Variants in SRPK1 observed in about 807,000 individuals in gnomAD.
SRPK1 encodes the protein SRSF protein kinase 1, also known as SFRS protein kinase 1.
SRPK1 carries 52 observed loss-of-function variants against 89.5 expected under a neutral mutation model. The ratio of observed to expected loss-of-function variants is 0.58; its 90% CI spans 0.46 to 0.73. SRPK1 has a LOEUF of 0.73. Ranked by LOEUF, SRPK1 falls within the 30% of genes least tolerant of loss-of-function variation. SRPK1 has a pLI of 0.00. For synonymous variants in SRPK1, 255 were observed against 270.2 expected, an observed-to-expected ratio of 0.94 and a Z score of 0.55; for missense variants, 603 against 780.6, an observed-to-expected ratio of 0.77 and a Z score of 2.71.
At chr6:35,909,914 C>T (rs1770925254) in intron 2 of SRPK1, among the ~76,000 whole-genome samples, 1 of 152,196 alleles carries the variant, frequency 6.6e-6, no homozygotes, top group South Asian at 2.1e-4. Context: ...AACCTCTTTC[C>T]TTTATAATTA....
chr6:35,838,641 A>T, intron 14 of SRPK1: 1 of 1,551,596 alleles, frequency 6.4e-7, no homozygotes, highest in Non-Finnish European at 8.7e-7. Flanking sequence ...GTGATAACTA[A>T]AAACAATCTT....
At chr6:35,900,437 C>T (rs760494941) in intron 2 of SRPK1, among the ~76,000 whole-genome samples, 2 of 152,156 alleles carry the variant, frequency 1.3e-5, no homozygotes, top group African/African-American at 2.4e-5. Context: ...GTACTTTTTT[C>T]TAGGCACTGG....
intron 2 of SRPK1, among the ~76,000 whole-genome samples, chr6:35,899,561 T>G (rs1770699128): frequency 6.6e-6 from 1 of 152,196 alleles, no homozygotes; most frequent in Non-Finnish European, 1.5e-5. Context: ...CGTATTTAGT[T>G]ATTATTCATT....
Position 35,920,510 on chromosome 6 carries a change from C to T in SRPK1, c.32G>A (p.Arg11Gln). 6.2e-7 allele frequency: 1 copy of T among 1,613,338 alleles called. No individual in the cohort carries two copies. The highest frequency in any genetic ancestry group is 8.5e-7 in the Non-Finnish European group (1 of 1,179,496). The change falls in exon 2 of 16, where the codon CGA becomes CAA. Residue 11 changes from arginine (R) to glutamine (Q), a missense_variant. Transcript: ENST00000373825. MERKVLALQARKKRTKAKKDK... is the reference protein window; with the variant it reads MERKVLALQAQKKRTKAKKDK... Reference sequence around the variant, plus strand: ...CTTCTTGGCCTTGGTCCTTTTCTTTCGGGCCTGGAGCGCAAGCACTGCAGG... The same window carrying T: ...CTTCTTGGCCTTGGTCCTTTTCTTTTGGGCCTGGAGCGCAAGCACTGCAGG...
At chr6:35,920,776 C>T (rs1771219671) in intron 1 of SRPK1, 1 of 369,020 alleles carries the variant, frequency 2.7e-6, no homozygotes, top group Non-Finnish European at 4.8e-6. Flanking sequence ...GCGTCGCCCG[C>T]CAAGGGCCGG....
At chr6:35,844,877 A>C (rs900371525) in intron 13 of SRPK1, among the ~76,000 whole-genome samples, 1 of 152,270 alleles carries the variant, frequency 6.6e-6, no homozygotes, top group South Asian at 2.1e-4. Flanking sequence ...GTTAAAAAAA[A>C]CAAAAAACAA....
intron 2 of SRPK1, among the ~76,000 whole-genome samples, chr6:35,907,845 G>A (rs1770883924): frequency 6.6e-6 from 1 of 152,216 alleles, no homozygotes; most frequent in South Asian, 2.1e-4. Context: ...CACATCAGCA[G>A]AGGGATGAGG....
chr6:35,873,990 GCTAA>G (rs1447426288), intron 7 of SRPK1, among the ~76,000 whole-genome samples: 1 of 151,384 alleles, frequency 6.6e-6, no homozygotes, highest in African/African-American at 2.4e-5. Flanking sequence ...AAGACACCCG[GCTAA>G]CTTTTTGTAT....
intron 6 of SRPK1, among the ~76,000 whole-genome samples, chr6:35,884,566 G>A (rs1195608914): frequency 6.6e-6 from 1 of 152,166 alleles, no homozygotes; most frequent in Non-Finnish European, 1.5e-5. Context: ...TCTAACAGTA[G>A]TAAATAATGC....
intron 2 of SRPK1, among the ~76,000 whole-genome samples, chr6:35,906,168 A>G (rs998514172): frequency 6.6e-6 from 1 of 152,198 alleles, no homozygotes; most frequent in African/African-American, 2.4e-5. Flanking sequence ...AAAAACTCCA[A>G]TTAGCCAACA....
chr6:35,882,816 T>G (rs529132525), intron 6 of SRPK1, among the ~76,000 whole-genome samples: 3 of 151,858 alleles, frequency 2.0e-5, no homozygotes, highest in Non-Finnish European at 4.4e-5. Flanking sequence ...AGAAAAAAAA[T>G]TTCCCCACCC....
intron 14 of SRPK1, among the ~76,000 whole-genome samples, chr6:35,839,685 T>TTA (rs1769261710): frequency 8.1e-6 from 1 of 123,612 alleles, no homozygotes; most frequent in Non-Finnish European, 1.7e-5. Flanking sequence ...AATATAAAAC[T>TTA]TTTTTTTTTT....
In SRPK1 at chr6:35,862,073, T is replaced by TAACAAC. The variant is rs201751746; in HGVS notation, c.1513-4711_1513-4706dup. On this transcript the variant is annotated intron_variant, in intron 12 of 15. Coordinates refer to ENST00000373825, the MANE Select transcript of SRPK1 (RefSeq NM_003137.5). Reference sequence around the variant, plus strand: ...CTAGCCCCCTCCGACCCATCACAGCTAACAACAACAACAACAACAACAACA... The same window carrying TAACAAC: ...CTAGCCCCCTCCGACCCATCACAGCTAACAACAACAACAACAACAACAACAACAACA... 3.1e-3 allele frequency among the ~76,000 whole-genome samples: 474 copies of TAACAAC among 151,648 alleles called. 1 individual carries two copies. Among genetic ancestry groups the TAACAAC allele is most frequent in the African/African-American group, 0.011 (436 of 41,336 alleles).
At position 35,877,109 on chromosome 6, in the gene SRPK1, T is replaced by C. The variant is rs150211543; in HGVS notation, c.479-2770A>G. 3.8e-3 allele frequency among the ~76,000 whole-genome samples: 585 copies of C among 152,290 alleles called. 2 individuals are homozygous for C. Among genetic ancestry groups the C allele is most frequent in the African/African-American group, 0.013 (546 of 41,572 alleles). ...TAGAGAACAATGCCCAGCATTCGCA[T>C]AGGGCTTGGAACAGTGCCTGTTCCC... On this transcript the variant is annotated intron_variant, in intron 6 of 15. Transcript: ENST00000373825.
intron 2 of SRPK1, among the ~76,000 whole-genome samples, chr6:35,891,621 A>G (rs1184068978): frequency 1.3e-5 from 2 of 151,550 alleles, no homozygotes; most frequent in Non-Finnish European, 2.9e-5. Flanking sequence ...CAGCTACTTG[A>G]GAGGCTGAGG....
intron 2 of SRPK1, among the ~76,000 whole-genome samples, chr6:35,897,414 TAAAC>T (rs1770647713): frequency 1.3e-5 from 2 of 152,242 alleles, no homozygotes; most frequent in African/African-American, 2.4e-5. Context: ...ATTAATAAAA[TAAAC>T]AAAAAGCAAT....
Position 35,834,970 on chromosome 6 carries a change from A to G in SRPK1, c.*334T>C. 5.4e-6 allele frequency: 1 copy of G among 186,328 alleles called. No homozygotes were observed. Among genetic ancestry groups the G allele is most frequent in the Non-Finnish European group, 1.1e-5 (1 of 88,488 alleles). 11.5% of individuals were successfully genotyped at this position (186,328 alleles called of 1,614,324 possible). ...TCAATGAATAAAAGGATGGGCTCAT[A>G]CACCTTCATAGCTCTTTTCAAAAAG... On this transcript the variant is annotated 3_prime_UTR_variant, in exon 16 of 16. Coordinates refer to ENST00000373825, the MANE Select transcript of SRPK1 (RefSeq NM_003137.5).
intron 6 of SRPK1, among the ~76,000 whole-genome samples, chr6:35,881,222 A>C (rs776534010): frequency 6.6e-6 from 1 of 152,152 alleles, no homozygotes; most frequent in Non-Finnish European, 1.5e-5. Flanking sequence ...AAAAGACACT[A>C]AACAATAACA....
chr6:35,870,222 A>G, intron 10 of SRPK1, 59 bp downstream of exon 10: 1 of 1,448,170 alleles, frequency 6.9e-7, no homozygotes, highest in Non-Finnish European at 9.5e-7. Context: ...ATTATATAGC[A>G]ATGATAAATT....
Sources: allele counts gnomAD v4.1 joint callset (sites outside exome capture counted in the v4.1 genomes callset), GRCh38; gene constraint gnomAD v4.1.1; transcripts MANE v1.5; gene names NCBI Gene and HGNC (gene_info 2026-07-23, HGNC 2026-07-21).